The following NOL4L variants were observed in gnomAD, a reference collection of about 807,000 sequenced individuals.
NOL4L encodes nucleolar protein 4 like.
NOL4L carries 7 observed loss-of-function variants against 64.5 expected under a neutral mutation model. The observed-to-expected ratio is 0.11, with a 90% CI of 0.06 to 0.20. The LOEUF is 0.20. NOL4L is among the 10% of genes least tolerant of loss of function. The pLI is 1.00. For synonymous variants in NOL4L, 413 were observed against 401.0 expected, an observed-to-expected ratio of 1.03 and a Z score of -0.36; for missense variants, 680 against 967.1, an observed-to-expected ratio of 0.70 and a Z score of 3.94.
intron 1 of NOL4L, among the ~76,000 whole-genome samples, chr20:32,529,345 C>A (rs1316576463): frequency 6.6e-6 from 1 of 152,230 alleles, no homozygotes; most frequent in East Asian, 1.9e-4. Flanking sequence ...TTGCAGTTCA[C>A]CATGTTTCCC....
rs984302892 is a variant in NOL4L at position 32,510,449 on chromosome 20, C to T, written c.699+898G>A. 5.6e-5 allele frequency: 10 copies of T among 178,418 alleles called. No homozygotes were observed. The East Asian group carries it at 5.6e-4, about 10-fold the overall frequency. The allele number at this position is 178,418 out of a possible 1,614,324, so 11.1% of individuals were successfully genotyped here. On this transcript the variant is annotated intron_variant, in intron 4 of 10. Coordinates refer to ENST00000621426, the MANE Select transcript of NOL4L (RefSeq NM_001256798.2). ...TCTGGCCAAGGAGCCACCACCCCCT[C>T]GGAGCACGCATGCTGGGGTTGTCAA... is the stretch of plus-strand genomic sequence containing the variant.
chr20:32,551,934 A>T (rs1429110216), intron 1 of NOL4L, among the ~76,000 whole-genome samples: 2 of 151,638 alleles, frequency 1.3e-5, no homozygotes, highest in Non-Finnish European at 2.9e-5. Context: ...GGCTGTGGGT[A>T]CACACCACCA....
intron 1 of NOL4L, among the ~76,000 whole-genome samples, chr20:32,536,814 G>GGC (rs2018545545): frequency 4.0e-5 from 1 of 25,154 alleles, no homozygotes; most frequent in Non-Finnish European, 7.3e-5. Context: ...GGGGGGGGGC[G>GGC]CACCAACGGG....
intron 1 of NOL4L, among the ~76,000 whole-genome samples, chr20:32,532,063 C>A (rs1018859316): frequency 2.6e-5 from 4 of 152,234 alleles, no homozygotes; most frequent in African/African-American, 4.8e-5. Context: ...CAGCCTCCCA[C>A]CTGCCCTCTT....
chr20:32,475,446 A>G (rs2015326574), intron 4 of NOL4L: 27 of 537,048 alleles, frequency 5.0e-5, no homozygotes, highest in Non-Finnish European at 6.2e-5. Flanking sequence ...AGGGCGTTCC[A>G]AACAGCCGGA....
Position 32,453,120 on chromosome 20 carries a change from C to G in NOL4L, c.1498-114G>C. On this transcript the variant is annotated intron_variant, in intron 8 of 10. Coordinates refer to ENST00000621426, the MANE Select transcript of NOL4L (RefSeq NM_001256798.2). The surrounding 1 kb of genome is among the most constrained non-coding windows in gnomAD (Gnocchi z 5.6). ...GGGTGGGGTTTGGGCTCCAGCGCCT[C>G]AGTCTATGGAGCTGTGTGATCTTTC... The G allele has an allele frequency of 2.0e-6, 3 of 1,478,022 alleles. No individual in the cohort carries two copies. Among genetic ancestry groups the G allele is most frequent in the Non-Finnish European group, 2.8e-6 (3 of 1,085,672 alleles). 91.6% of individuals were successfully genotyped at this position (1,478,022 alleles called of 1,614,324 possible). A position where few individuals can be genotyped will look rare whatever the true frequency, so the allele number is the denominator to read the frequency against.
At chr20:32,536,112 G>T in intron 1 of NOL4L, 1 of 985,632 alleles carries the variant, frequency 1.0e-6, no homozygotes, top group African/African-American at 1.7e-5. Flanking sequence ...TAGGAAGTGT[G>T]TGGGAACCCA....
chr20:32,486,641 A>T (rs777246129), intron 4 of NOL4L: 2 of 278,668 alleles, frequency 7.2e-6, no homozygotes, highest in Non-Finnish European at 1.5e-5. Flanking sequence ...TCAAAACATT[A>T]AAAAAAAAAA....
intron 4 of NOL4L, among the ~76,000 whole-genome samples, chr20:32,489,824 ATAAATAAG>A (rs2016382207): frequency 2.0e-5 from 3 of 147,828 alleles, no homozygotes; most frequent in Non-Finnish European, 1.5e-5. Context: ...AAATAAATAA[ATAAATAAG>A]TAAATAAGTT....
intron 1 of NOL4L, among the ~76,000 whole-genome samples, chr20:32,578,569 C>T (rs1980276880): frequency 6.6e-6 from 1 of 152,156 alleles, no homozygotes; most frequent in South Asian, 2.1e-4. Flanking sequence ...ATTTTGCATA[C>T]AGACGGGGTC....
Position 32,446,832 on chromosome 20 carries a change from CT to C in NOL4L, c.*763del. On this transcript the variant is annotated 3_prime_UTR_variant, in exon 11 of 11. Transcript: ENST00000621426. Reference sequence around the variant, plus strand: ...TACAGGTGACCATGGACTGGGGCTTCTGTAGAATGGGGTCGGGGTGCCTCTT... The same window carrying C: ...TACAGGTGACCATGGACTGGGGCTTCGTAGAATGGGGTCGGGGTGCCTCTT... 4.7e-6 allele frequency: 1 copy of C among 211,972 alleles called. No homozygotes were observed. Among genetic ancestry groups the C allele is most frequent in the Non-Finnish European group, 9.6e-6 (1 of 104,542 alleles). The allele number at this position is 211,972 out of a possible 1,614,324, so 13.1% of individuals were successfully genotyped here.
chr20:32,452,133 A>C lies in NOL4L; in HGVS notation c.1822+103T>G, dbSNP rs115495744. 2.2e-3 allele frequency: 2,361 copies of C among 1,052,232 alleles called. 43 individuals carry two copies. In the African/African-American group the frequency reaches 0.035, roughly 16 times the overall value. The allele number at this position is 1,052,232 out of a possible 1,614,324, so 65.2% of individuals were successfully genotyped here. A position where few individuals can be genotyped will look rare whatever the true frequency, so the allele number is the denominator to read the frequency against. ...TGCTGTGAGGCAGCCCCTTTCCATC[A>C]CTGGCCTCTGCTTCCCTCTCCCCAT... On this transcript the variant is annotated intron_variant, in intron 10 of 10. Transcript: ENST00000621426.
Position 32,453,055 on chromosome 20 carries a change from G to C in NOL4L, c.1498-49C>G, listed in dbSNP as rs1191259136. The C allele has an allele frequency of 6.2e-7, 1 of 1,606,594 alleles. No homozygotes were observed. Among genetic ancestry groups the C allele is most frequent in the Admixed American group, 1.7e-5 (1 of 59,952 alleles). ...CTAGCATGGGGCCCGTGGGGGCCCT[G>C]GGCTTGTGCAGAGACCCTGCCCCAG... On this transcript the variant is annotated intron_variant, in intron 8 of 10. Coordinates refer to ENST00000621426, the MANE Select transcript of NOL4L (RefSeq NM_001256798.2). The surrounding 1 kb of genome is among the most constrained non-coding windows in gnomAD (Gnocchi z 5.6).
rs992249771 is a variant in NOL4L at position 32,453,109 on chromosome 20, C to T, written c.1498-103G>A. 14 of 1,519,314 alleles carry T rather than the reference C, an allele frequency of 9.2e-6. No homozygotes were observed. Among genetic ancestry groups the T allele is most frequent in the Non-Finnish European group, 9.8e-6 (11 of 1,118,912 alleles). The allele number at this position is 1,519,314 out of a possible 1,614,324, so 94.1% of individuals were successfully genotyped here. A position where few individuals can be genotyped will look rare whatever the true frequency, so the allele number is the denominator to read the frequency against. On this transcript the variant is annotated intron_variant, in intron 8 of 10. Transcript: ENST00000621426. This position sits in a 1 kb window ranked among gnomAD's most constrained non-coding sequence, Gnocchi z 5.6. ...TGGGTGGCACAGGGTGGGGTTTGGGCTCCAGCGCCTCAGTCTATGGAGCTG... is the reference window on the plus strand; with the variant it reads ...TGGGTGGCACAGGGTGGGGTTTGGGTTCCAGCGCCTCAGTCTATGGAGCTG...
chr20:32,450,354 T>C (rs1742980), intron 10 of NOL4L: 40,637 of 152,214 alleles, frequency 0.27, 6,717 homozygotes, highest in African/African-American at 0.46. Flanking sequence ...TGCTGGAGGA[T>C]TTAAACAATG....
intron 4 of NOL4L, among the ~76,000 whole-genome samples, chr20:32,479,770 A>C (rs961551072): frequency 6.6e-6 from 1 of 152,198 alleles, no homozygotes; most frequent in Non-Finnish European, 1.5e-5. Flanking sequence ...CCAAAGCCAA[A>C]TGCTCTTCTG....
At chr20:32,561,332 G>A (rs188410537) in intron 1 of NOL4L, among the ~76,000 whole-genome samples, 7 of 152,328 alleles carry the variant, frequency 4.6e-5, no homozygotes, top group Non-Finnish European at 8.8e-5. Flanking sequence ...CGGCCCAGCC[G>A]AGGCTTGGAA....
chr20:32,538,202 G>A (rs1338741892), intron 1 of NOL4L, among the ~76,000 whole-genome samples: 6 of 152,322 alleles, frequency 3.9e-5, no homozygotes, highest in Non-Finnish European at 7.4e-5. Flanking sequence ...ATTCAGGTGC[G>A]AGGCTGGCCT....
Position 32,482,807 on chromosome 20 carries a change from A to G in NOL4L, c.700-8065T>C, listed in dbSNP as rs557413114. Among the ~76,000 whole-genome samples, 58 of 147,892 alleles carry G rather than the reference A, an allele frequency of 3.9e-4. 1 individual carries two copies. The South Asian group carries it at 0.012, about 32-fold the overall frequency. Reference sequence around the variant, plus strand: ...GCCGGGGAACCCCTCCCTGACACTCAACGCTTCCCGTCCTCACATCCCCAA... The same window carrying G: ...GCCGGGGAACCCCTCCCTGACACTCGACGCTTCCCGTCCTCACATCCCCAA... On this transcript the variant is annotated intron_variant, in intron 4 of 10. Transcript: ENST00000621426.
Sources: gnomAD v4.1 joint callset for allele counts (sites outside exome capture counted in the v4.1 genomes callset) on GRCh38, gnomAD v4.1.1 for gene constraint, Gnocchi (gnomAD v3.1) non-coding constraint, MANE v1.5 for transcripts, NCBI Gene and HGNC (gene_info 2026-07-23, HGNC 2026-07-21) for gene names.